Variants in TRAF3IP1 observed in about 807,000 individuals in gnomAD.
TRAF3IP1 encodes intraflagellar transport 54.
A neutral mutation model predicts 89.9 loss-of-function variants in TRAF3IP1; 53 were observed. That is an observed-to-expected ratio of 0.59 (90% CI 0.47 to 0.74). TRAF3IP1 has a LOEUF of 0.74. Among genes scored for constraint, TRAF3IP1 ranks in the 30% least tolerant of loss-of-function variants. The probability of loss-of-function intolerance (pLI) is 0.00; values close to 1 mark genes in which losing one functional copy is unlikely to be tolerated. For missense variants in TRAF3IP1, 806 were observed against 866.1 expected, an observed-to-expected ratio of 0.93 and a Z score of 0.87; for synonymous variants, 311 against 322.1, an observed-to-expected ratio of 0.97 and a Z score of 0.37.
At position 238,351,878 on chromosome 2, in the gene TRAF3IP1, CGT is replaced by C. The variant is rs1553614026; in HGVS notation, c.1452-945_1452-944del. ...GTGTGTGTGTGTGTGCGCGCGCGCG[CGT>C]GTGCGTGCATGTGCTTGTGTGTATG... On this transcript the variant is annotated intron_variant, in intron 12 of 16. Coordinates refer to ENST00000373327, the MANE Select transcript of TRAF3IP1 (RefSeq NM_015650.4). This position sits in a 1 kb window ranked among gnomAD's most constrained non-coding sequence, Gnocchi z 5.2. Among the ~76,000 whole-genome samples the C allele has an allele frequency of 5.4e-5, 8 of 147,952 alleles. No individual in the cohort carries two copies. Among genetic ancestry groups the C allele is most frequent in the East Asian group, 2.0e-4 (1 of 5,072 alleles).
Position 238,351,348 on chromosome 2 carries a change from A to C in TRAF3IP1, c.1452-1479A>C, listed in dbSNP as rs1268356153. ...GCTGATGGCAGCAATGATGGGGTCG[A>C]GGGTGACAAGATTTAAAGTTGGCAG... On this transcript the variant is annotated intron_variant, in intron 12 of 16. Transcript: ENST00000373327. This position sits in a 1 kb window ranked among gnomAD's most constrained non-coding sequence, Gnocchi z 5.2. Among the ~76,000 whole-genome samples the C allele has an allele frequency of 1.3e-5, 2 of 150,790 alleles. No individual in the cohort carries two copies. Among genetic ancestry groups the C allele is most frequent in the African/African-American group, 4.9e-5 (2 of 40,658 alleles).
intron 7 of TRAF3IP1, among the ~76,000 whole-genome samples, chr2:238,337,030 A>G (rs1271727550): frequency 6.6e-6 from 1 of 152,058 alleles, no homozygotes; most frequent in Non-Finnish European, 1.5e-5. Flanking sequence ...CCTTCTGGCC[A>G]GGGTGGAGAG....
At chr2:238,380,979 C>T (rs1323635216) in intron 15 of TRAF3IP1, among the ~76,000 whole-genome samples, 1 of 152,074 alleles carries the variant, frequency 6.6e-6, no homozygotes, top group Non-Finnish European at 1.5e-5. Context: ...ACCAGTTTTT[C>T]CAGATCTCTA....
intron 14 of TRAF3IP1, among the ~76,000 whole-genome samples, chr2:238,354,689 C>T (rs1009070903): frequency 2.0e-5 from 3 of 152,168 alleles, no homozygotes; most frequent in African/African-American, 4.8e-5. Context: ...CTCGCCCTGT[C>T]GCCCAGGCTG....
chr2:238,349,294 C>T (rs756390594), intron 11 of TRAF3IP1, 31 bp from the exon 12 acceptor site: 1 of 1,606,004 alleles, frequency 6.2e-7, no homozygotes, highest in African/African-American at 1.3e-5. Flanking sequence ...CTTTCATACT[C>T]CTTTTTTGGT....
intron 7 of TRAF3IP1, among the ~76,000 whole-genome samples, chr2:238,338,028 G>A (rs939617894): frequency 6.6e-6 from 1 of 152,164 alleles, no homozygotes; most frequent in Non-Finnish European, 1.5e-5. Flanking sequence ...AGGAAAGGAC[G>A]TGGTGAACTC....
At position 238,363,281 on chromosome 2, in the gene TRAF3IP1, G is replaced by A. The variant is rs141622531; in HGVS notation, c.1689+7201G>A. The stretch of plus-strand genomic sequence containing the variant: ...AGCTCCTTTATTTTGAGTCGTTGTC[G>A]TTTTAAACCTACATATATTTCCGAT... On this transcript the variant is annotated intron_variant, in intron 15 of 16. Transcript: ENST00000373327. Among the ~76,000 whole-genome samples, 741 of 152,050 alleles carry A rather than the reference G, an allele frequency of 4.9e-3. 6 individuals are homozygous for A. Among genetic ancestry groups the A allele is most frequent in the African/African-American group, 0.017 (712 of 41,466 alleles).
chr2:238,383,052 C>T (rs1362088589), intron 15 of TRAF3IP1, among the ~76,000 whole-genome samples: 1 of 152,194 alleles, frequency 6.6e-6, no homozygotes, highest in Admixed American at 6.5e-5. Context: ...TACACACTGT[C>T]CTCCAGCCTG....
intron 15 of TRAF3IP1, among the ~76,000 whole-genome samples, chr2:238,361,542 C>T (rs1390537187): frequency 6.6e-6 from 1 of 152,086 alleles, no homozygotes; most frequent in Non-Finnish European, 1.5e-5. Flanking sequence ...GTGTGATTTT[C>T]TGCTGTGTGG....
intron 15 of TRAF3IP1, among the ~76,000 whole-genome samples, chr2:238,368,144 T>C (rs1311348900): frequency 6.6e-6 from 1 of 152,236 alleles, no homozygotes; most frequent in East Asian, 1.9e-4. Context: ...CAGCTTCCAG[T>C]GAAGAGCTAT....
chr2:238,365,177 T>C (rs1004531765), intron 15 of TRAF3IP1, among the ~76,000 whole-genome samples: 2 of 152,232 alleles, frequency 1.3e-5, no homozygotes, highest in Non-Finnish European at 2.9e-5. Flanking sequence ...CAAATTTCTT[T>C]TTTTGGTAGG....
chr2:238,358,856 G>A (rs1699538440), intron 15 of TRAF3IP1, among the ~76,000 whole-genome samples: 1 of 152,170 alleles, frequency 6.6e-6, no homozygotes, highest in South Asian at 2.1e-4. Flanking sequence ...CATAGACAAT[G>A]CTTCCATGGC....
intron 1 of TRAF3IP1, among the ~76,000 whole-genome samples, chr2:238,321,308 C>A (rs552737938): frequency 6.6e-6 from 1 of 152,334 alleles, no homozygotes; most frequent in East Asian, 1.9e-4. Flanking sequence ...CTCGCTTGCC[C>A]TGAAGTATGT....
Position 238,336,693 on chromosome 2 carries a change from TTTACA to T in TRAF3IP1, c.1064-1658_1064-1654del, listed in dbSNP as rs377079540. 7.7e-4 allele frequency among the ~76,000 whole-genome samples: 117 copies of T among 152,326 alleles called. 1 individual carries two copies. In the East Asian group the frequency reaches 0.019, roughly 24 times the overall value. On this transcript the variant is annotated intron_variant, in intron 7 of 16. Transcript: ENST00000373327. ...TTAATTTCATTTGTTTGTTAACTGC[TTTACA>T]TTACATTACAGATTAAGTTTAATAT...
At position 238,338,443 on chromosome 2, in the gene TRAF3IP1, C is replaced by A; in HGVS notation, c.1145C>A (p.Thr382Lys). ...AATAATGAGCCAAATCAGGAAACGA[C>A]AACATCAGAAATAGGTAAGAAAAAT... ...GINNEPNQETTTSEIGTKEAN... is the reference protein window; with the variant it reads ...GINNEPNQETKTSEIGTKEAN... Residue 382 changes from threonine to lysine, a missense_variant, in exon 8 of 17, where the codon ACA (threonine) becomes AAA (lysine). Physicochemically the swap from Thr to Lys is moderately conservative, Grantham distance 78. Transcript: ENST00000373327. The A allele has an allele frequency of 6.3e-7, 1 of 1,584,736 alleles. No individual in the cohort carries two copies.
chr2:238,343,150 G>A (rs1407234533), intron 8 of TRAF3IP1, among the ~76,000 whole-genome samples: 4 of 151,484 alleles, frequency 2.6e-5, no homozygotes, highest in South Asian at 2.1e-4. Flanking sequence ...GCAGTGGCAC[G>A]ATCTCGCTCA....
chr2:238,321,911 G>A (rs1697566694), intron 1 of TRAF3IP1, among the ~76,000 whole-genome samples: 1 of 152,162 alleles, frequency 6.6e-6, no homozygotes, highest in African/African-American at 2.4e-5. Context: ...TGCTTTACTG[G>A]TTCTGCCCTC....
chr2:238,329,419 T>TA, intron 5 of TRAF3IP1, 77 bp downstream of exon 5: 2 of 1,263,090 alleles, frequency 1.6e-6, no homozygotes, highest in Non-Finnish European at 2.1e-6. Flanking sequence ...TTACCTTTCT[T>TA]ACAATATGAC....
intron 2 of TRAF3IP1, among the ~76,000 whole-genome samples, 176 bp from the exon 3 acceptor site, chr2:238,325,633 C>T (rs1250323666): frequency 1.3e-5 from 2 of 152,170 alleles, no homozygotes; most frequent in Admixed American, 1.3e-4. Context: ...AAATTAAAGG[C>T]TTTAATGAAT....
Sources: gnomAD v4.1 joint callset for allele counts (sites outside exome capture counted in the v4.1 genomes callset) on GRCh38, gnomAD v4.1.1 for gene constraint, Gnocchi (gnomAD v3.1) non-coding constraint, MANE v1.5 for transcripts, NCBI Gene and HGNC (gene_info 2026-07-23, HGNC 2026-07-21) for gene names.